Variants in TFR2 observed in about 807,000 individuals in gnomAD.
TFR2 encodes transferrin receptor 2.
TFR2 carries 64 observed loss-of-function variants against 91.9 expected under a neutral mutation model. The observed-to-expected ratio is 0.70, with a 90% CI of 0.57 to 0.86. TFR2 has a LOEUF of 0.86. Among genes scored for constraint, TFR2 ranks in the 40% least tolerant of loss-of-function variants. TFR2 has a pLI of 0.00. For synonymous variants in TFR2, 454 were observed against 459.6 expected, an observed-to-expected ratio of 0.99 and a Z score of 0.15; for missense variants, 950 against 1,080.5, an observed-to-expected ratio of 0.88 and a Z score of 1.69.
At chr7:100,626,579 C>T (rs1360239965) in intron 17 of TFR2, 184 bp downstream of exon 17, 3 of 1,419,692 alleles carry the variant, frequency 2.1e-6, no homozygotes, top group South Asian at 1.5e-5. Context: ...TTTGATCGCT[C>T]GGGTCCTCCA....
At chr7:100,637,339 C>T (rs1329086595) in intron 3 of TFR2, among the ~76,000 whole-genome samples, 1 of 151,672 alleles carries the variant, frequency 6.6e-6, no homozygotes, top group African/African-American at 2.4e-5. Flanking sequence ...GCGGAGTTTG[C>T]AGTGAGCCAA....
chr7:100,624,263 G>A (rs1803194159), intron 17 of TFR2, among the ~76,000 whole-genome samples: 2 of 151,890 alleles, frequency 1.3e-5, no homozygotes, highest in South Asian at 4.2e-4. Context: ...CCCTGTTCTG[G>A]CTCTGCTGGT....
At chr7:100,641,307 G>T in intron 1 of TFR2, 79 bp from the exon 2 acceptor site, 1 of 1,377,072 alleles carries the variant, frequency 7.3e-7, no homozygotes, top group Non-Finnish European at 9.7e-7. Flanking sequence ...TGAGGTCAGT[G>T]ACTTGGGGGT....
At chr7:100,623,487 C>CT (rs2131306802) in intron 17 of TFR2, among the ~76,000 whole-genome samples, 1 of 151,728 alleles carries the variant, frequency 6.6e-6, no homozygotes, top group South Asian at 2.1e-4. Context: ...CCTAAAAACT[C>CT]TACTTTGTTG....
At position 100,641,450 on chromosome 7, in the gene TFR2, G is replaced by A. The variant is rs375071716; in HGVS notation, c.33+27C>T. On this transcript the variant is annotated intron_variant, in intron 1 of 17. Coordinates refer to ENST00000223051, the MANE Select transcript of TFR2 (RefSeq NM_003227.4). ...GAGGGACTTAGAGAGAAGGCCTAAG[G>A]GGTCTTCCCAATCCCACTAGTCTTA... The A allele has an allele frequency of 5.6e-6, 9 of 1,613,282 alleles. No individual in the cohort carries two copies. The African/African-American group carries it at 9.3e-5, about 17-fold the overall frequency.
At position 100,628,261 on chromosome 7, in the gene TFR2, C is replaced by T. The variant is rs1405724768; in HGVS notation, c.1436G>A (p.Gly479Asp). 6 of 1,613,882 alleles carry T rather than the reference C, an allele frequency of 3.7e-6. No individual in the cohort carries two copies. The highest frequency in any genetic ancestry group is 5.1e-6 in the Non-Finnish European group (6 of 1,179,948). ...RSLLFISWDG[G>D]DFGSVGSTEW... ...CGTGGAGCCCACGCTTCCAAAGTCA[C>T]CACCGTCCCAGCTGATGAAGAGGAG... is the stretch of plus-strand genomic sequence containing the variant. Residue 479 changes from glycine to aspartate, a missense_variant, in exon 11 of 18, where the codon GGT becomes GAT. Transcript: ENST00000223051.
At chr7:100,632,777 C>T (rs533593426) in intron 6 of TFR2, 1 of 477,026 alleles carries the variant, frequency 2.1e-6, no homozygotes, top group Admixed American at 3.2e-5. Context: ...AGGGGGTTCT[C>T]ACCGTGTTGC....
At chr7:100,628,020 C>T in intron 12 of TFR2, 46 bp from the exon 13 acceptor site, 9 of 1,614,124 alleles carry the variant, frequency 5.6e-6, no homozygotes, top group Non-Finnish European at 6.8e-6. Flanking sequence ...GGCTCAGCCC[C>T]AGAGGCAAGG....
intron 8 of TFR2, 110 bp from the exon 9 acceptor site, chr7:100,631,162 G>A: frequency 8.1e-7 from 1 of 1,241,354 alleles, no homozygotes; most frequent in Non-Finnish European, 1.1e-6. Flanking sequence ...CCAGATCGCT[G>A]CCTCTGGACG....
rs779980249 is a variant in TFR2 at position 100,641,139 on chromosome 7, C to T, written c.123G>A (p.Gly41=). ...GGGCCAATGTCTCCGCCCCCTCCTC[C>T]CCGTCTTCCTCTTCCTCCTCCAGGT... ...KGHLEEEEED[G]EEGAETLAHF... Residue 41 remains glycine (G), a synonymous_variant, in exon 2 of 18, where the codon GGG becomes GGA. Transcript: ENST00000223051. 3.0e-5 allele frequency: 46 copies of T among 1,553,512 alleles called. No homozygotes were observed. Among genetic ancestry groups the T allele is most frequent in the Non-Finnish European group, 3.7e-5 (42 of 1,149,722 alleles).
At chr7:100,637,745 C>T (rs1318992981) in intron 3 of TFR2, among the ~76,000 whole-genome samples, 1 of 151,742 alleles carries the variant, frequency 6.6e-6, no homozygotes, top group Admixed American at 6.6e-5. Context: ...CTTGGGAAAT[C>T]GAGGCTGCAG....
At chr7:100,621,408 G>A (rs1370275245) in intron 17 of TFR2, among the ~76,000 whole-genome samples, 1 of 151,994 alleles carries the variant, frequency 6.6e-6, no homozygotes, top group Non-Finnish European at 1.5e-5. Flanking sequence ...CACCCGCCAC[G>A]ACGCCCGGCT....
chr7:100,635,560 C>T (rs1803558816), intron 3 of TFR2, among the ~76,000 whole-genome samples: 1 of 152,034 alleles, frequency 6.6e-6, no homozygotes, highest in South Asian at 2.1e-4. Flanking sequence ...ATTCTCCTGC[C>T]TCAGCCTCCC....
rs765804595 is a variant in TFR2 at position 100,620,848 on chromosome 7, C to T, written c.*9G>A. ...ACTGGGGGACGGGGATGTGAGGATC[C>T]CCAGGGCCTCAGAAGTTGTTATCAA... On this transcript the variant is annotated 3_prime_UTR_variant, in exon 18 of 18. Coordinates refer to ENST00000223051, the MANE Select transcript of TFR2 (RefSeq NM_003227.4). 72 of 1,613,814 alleles carry T rather than the reference C, an allele frequency of 4.5e-5. No individual in the cohort carries two copies. Among genetic ancestry groups the T allele is most frequent in the Non-Finnish European group, 6.1e-5 (72 of 1,179,842 alleles).
intron 17 of TFR2, among the ~76,000 whole-genome samples, chr7:100,624,921 C>CAGT (rs970986000): frequency 3.3e-5 from 5 of 151,806 alleles, no homozygotes; most frequent in South Asian, 4.2e-4. Context: ...GGCCAATGGG[C>CAGT]AGTAGTTCAC....
rs139008447 is a variant in TFR2 at position 100,637,492 on chromosome 7, G to A, written c.473+3194C>T. ...GCCTGTAGTCCCAGCTACTTGGGAA[G>A]CTGAGGCACAAAAATCACCTGAAGC... On this transcript the variant is annotated intron_variant, in intron 3 of 17. Coordinates refer to ENST00000223051, the MANE Select transcript of TFR2 (RefSeq NM_003227.4). 6.2e-4 allele frequency among the ~76,000 whole-genome samples: 94 copies of A among 152,288 alleles called. 1 individual carries two copies. The highest frequency in any genetic ancestry group is 2.2e-3 in the African/African-American group (91 of 41,578).
In TFR2 at chr7:100,629,250, T is replaced by TA. The variant is rs1803359971; in HGVS notation, c.1390+2dup. 2.5e-6 allele frequency: 4 copies of TA among 1,613,660 alleles called. No individual in the cohort carries two copies. The highest frequency in any genetic ancestry group is 3.4e-6 in the Non-Finnish European group (4 of 1,179,674). On this transcript the variant is annotated splice_region_variant and intron_variant, in intron 10 of 17. Transcript: ENST00000223051. Reference sequence around the variant, plus strand: ...CAGGCCCAGGCCCTGGCCCTGACCTTACCGTTGCTCACCATGGAGGAAAAG... The same window carrying TA: ...CAGGCCCAGGCCCTGGCCCTGACCTTAACCGTTGCTCACCATGGAGGAAAAG...
In TFR2 at chr7:100,631,914, G is replaced by A; in HGVS notation, c.998C>T (p.Pro333Leu). 3 of 1,614,046 alleles carry A rather than the reference G, an allele frequency of 1.9e-6. No homozygotes were observed. The highest frequency in any genetic ancestry group is 1.7e-6 in the Non-Finnish European group (2 of 1,179,974). The change falls in exon 8 of 18, where the codon CCT becomes CTT. Residue 333 changes from proline to leucine, a missense_variant. By Grantham distance (98) the Pro-to-Leu change is moderately conservative. Coordinates refer to ENST00000223051, the MANE Select transcript of TFR2 (RefSeq NM_003227.4). ...VHLGTGDPYT[P>L]GFPSFNQTQF... ...GGTTTGATTGAAGGAAGGGAAGCCA[G>A]GTGTGTAGGGGTCTCCAGTTCCCAG...
chr7:100,631,181 G>T, intron 8 of TFR2, 129 bp from the exon 9 acceptor site: 1 of 1,097,734 alleles, frequency 9.1e-7, no homozygotes, highest in Non-Finnish European at 1.3e-6. Flanking sequence ...CGCTGCCTGG[G>T]TAGGGCAGTG....
Sources: allele counts gnomAD v4.1 joint callset (sites outside exome capture counted in the v4.1 genomes callset), GRCh38; gene constraint gnomAD v4.1.1; transcripts MANE v1.5; gene names NCBI Gene and HGNC (gene_info 2026-07-23, HGNC 2026-07-21).